USP34: variants seen among roughly 807,000 people sequenced by gnomAD.
USP34 encodes the protein ubiquitin specific peptidase 34.
USP34 carries 70 observed loss-of-function variants against 460.3 expected under a neutral mutation model. The observed-to-expected ratio is 0.15, with a 90% CI of 0.13 to 0.19. The LOEUF (loss-of-function observed/expected upper bound fraction) is 0.19, where lower values mean the gene tolerates loss of function less well. Ranked by LOEUF, USP34 falls within the 10% of genes least tolerant of loss-of-function variation. USP34 has a pLI of 1.00. For missense variants in USP34, 3,985 were observed against 4,236.2 expected, an observed-to-expected ratio of 0.94 and a Z score of 1.65; for synonymous variants, 1,647 against 1,405.3, an observed-to-expected ratio of 1.17 and a Z score of -3.85.
chr2:61,241,237 G>GTT (rs1187732589), intron 53 of USP34, among the ~76,000 whole-genome samples: 2 of 151,906 alleles, frequency 1.3e-5, no homozygotes, highest in Non-Finnish European at 2.9e-5. Flanking sequence ...GAGAAACAGA[G>GTT]TTTCACCATT....
intron 15 of USP34, among the ~76,000 whole-genome samples, chr2:61,347,575 T>C (rs1215283464): frequency 6.6e-6 from 1 of 152,188 alleles, no homozygotes; most frequent in Admixed American, 6.5e-5. Flanking sequence ...GGTTTCACCA[T>C]GTTGTTCAGG....
At chr2:61,243,720 A>G (rs1558487161) in intron 51 of USP34, among the ~76,000 whole-genome samples, 1 of 152,018 alleles carries the variant, frequency 6.6e-6, no homozygotes, top group Non-Finnish European at 1.5e-5. Flanking sequence ...AAAACACAAA[A>G]ATTAGCTGGG....
At chr2:61,227,638 G>C (rs540326147) in intron 61 of USP34, among the ~76,000 whole-genome samples, 41 of 152,044 alleles carry the variant, frequency 2.7e-4, no homozygotes, top group Non-Finnish European at 4.6e-4. Context: ...CTGAACCTGG[G>C]AGGTGGGGGT....
chr2:61,395,785 CAAAAAAAAAA>C (rs541139131), intron 3 of USP34, among the ~76,000 whole-genome samples: 2 of 29,330 alleles, frequency 6.8e-5, no homozygotes, highest in South Asian at 1.2e-3. Flanking sequence ...GACTCCGTCT[CAAAAAAAAAA>C]AAAAAAAAAA....
rs1252459209 is a variant in USP34, at chr2:61,380,304, A to G, written c.879T>C (p.Ala293=). 3 of 1,614,154 alleles carry G rather than the reference A, an allele frequency of 1.9e-6. No homozygotes were observed. Among genetic ancestry groups the G allele is most frequent in the East Asian group, 4.5e-5 (2 of 44,882 alleles). ...CTTTGACTGTGCTCCACATTAAGTC[A>G]GCCATGTTACGAGCTGCACTCTGTC... ...ELRQSAARNM[A]DLMWSTVKEP... Residue 293 remains alanine, a synonymous_variant, in exon 7 of 80, where the codon GCT becomes GCC. Transcript: ENST00000398571.
intron 75 of USP34, among the ~76,000 whole-genome samples, chr2:61,202,347 A>G (rs7607173): frequency 6.6e-6 from 1 of 152,138 alleles, no homozygotes; most frequent in African/African-American, 2.4e-5. Context: ...TCCCACTCTG[A>G]AAACTATAGA....
At chr2:61,392,852 G>C (rs944751530) in intron 5 of USP34, among the ~76,000 whole-genome samples, 2 of 152,126 alleles carry the variant, frequency 1.3e-5, no homozygotes, top group Admixed American at 6.6e-5. Flanking sequence ...ACCACAGTGT[G>C]AAATAAAAAT....
At position 61,339,481 on chromosome 2, in the gene USP34, A is replaced by G. The variant is rs1317197081; in HGVS notation, c.2617-3T>C. ...ATTAATCCTTCAGAAAGATTAACCT[A>G]TAAAAAATGTATATAAAATTACTAT... On this transcript the variant is annotated splice_polypyrimidine_tract_variant and splice_region_variant and intron_variant, in intron 17 of 79. Transcript: ENST00000398571. The G allele has an allele frequency of 7.0e-6, 11 of 1,568,604 alleles. No homozygotes were observed. Among genetic ancestry groups the G allele is most frequent in the Non-Finnish European group, 7.8e-6 (9 of 1,159,788 alleles).
At chr2:61,430,195 A>T (rs1694627130) in intron 1 of USP34, among the ~76,000 whole-genome samples, 1 of 149,500 alleles carries the variant, frequency 6.7e-6, no homozygotes, top group South Asian at 2.1e-4. Context: ...CGCCTGGGCG[A>T]CAGAGCGAGT....
Position 61,188,088 on chromosome 2 carries a change from T to G in USP34, c.*14A>C, listed in dbSNP as rs1558454244. 6.2e-7 allele frequency: 1 copy of G among 1,605,774 alleles called. No homozygotes were observed. The highest frequency in any genetic ancestry group is 8.5e-7 in the Non-Finnish European group (1 of 1,175,686). Reference sequence around the variant, plus strand: ...GGGGTGAGGGACTTAAAAGTAGACATGCTACACCTAATGTCAAGAAGCAGC... The same window carrying G: ...GGGGTGAGGGACTTAAAAGTAGACAGGCTACACCTAATGTCAAGAAGCAGC... On this transcript the variant is annotated 3_prime_UTR_variant, in exon 80 of 80. Coordinates refer to ENST00000398571, the MANE Select transcript of USP34 (RefSeq NM_014709.4).
chr2:61,261,628 T>C (rs1276700467), intron 43 of USP34, among the ~76,000 whole-genome samples: 2 of 152,214 alleles, frequency 1.3e-5, no homozygotes, highest in Middle Eastern at 3.2e-3. Context: ...TGTATATATG[T>C]ATAAATGGTT....
intron 2 of USP34, among the ~76,000 whole-genome samples, chr2:61,416,680 T>G (rs572671179): frequency 6.6e-6 from 1 of 152,354 alleles, no homozygotes; most frequent in African/African-American, 2.4e-5. Flanking sequence ...AATTTAGTCT[T>G]GAATTTATTC....
intron 15 of USP34, among the ~76,000 whole-genome samples, chr2:61,345,513 T>C (rs981882347): frequency 4.6e-5 from 7 of 152,214 alleles, no homozygotes; most frequent in East Asian, 1.9e-4. Flanking sequence ...TAAACTCACA[T>C]AGTATCACTC....
chr2:61,409,302 T>C (rs1693971590), intron 2 of USP34, among the ~76,000 whole-genome samples: 1 of 151,894 alleles, frequency 6.6e-6, no homozygotes, highest in African/African-American at 2.4e-5. Context: ...ATCCCAGCAC[T>C]TTGGGAGGCT....
chr2:61,394,533 C>CAAAAAAAAAAAA (rs200686763), intron 5 of USP34, among the ~76,000 whole-genome samples: 3 of 110,060 alleles, frequency 2.7e-5, no homozygotes, highest in African/African-American at 3.6e-5. Context: ...CCCTCTCTCT[C>CAAAAAAAAAAAA]AAAAAAAAAA....
intron 58 of USP34, among the ~76,000 whole-genome samples, chr2:61,231,440 C>CAGTG (rs1156656278): frequency 6.6e-6 from 1 of 152,100 alleles, no homozygotes; most frequent in Non-Finnish European, 1.5e-5. Context: ...AGGCCAGGCT[C>CAGTG]AGTGGCTCAC....
At chr2:61,235,804 G>C (rs763451327) in intron 57 of USP34, 41 bp downstream of exon 57, 1 of 1,568,796 alleles carries the variant, frequency 6.4e-7, no homozygotes, top group Non-Finnish European at 8.6e-7. Context: ...AAAAAAAAAA[G>C]AATCTTAAAC....
intron 27 of USP34, among the ~76,000 whole-genome samples, chr2:61,310,919 T>A (rs17008218): frequency 0.061 from 9,297 of 152,180 alleles, 539 homozygotes; most frequent in South Asian, 0.26. Context: ...TATGGTCACA[T>A]CAAAAGTCTA....
intron 62 of USP34, among the ~76,000 whole-genome samples, chr2:61,226,016 T>TATTC (rs546204032): frequency 1.6e-3 from 240 of 152,314 alleles, no homozygotes; most frequent in Non-Finnish European, 2.7e-3. Context: ...CTGTAATGGC[T>TATTC]ATTCACAGGT....
Sources: allele counts gnomAD v4.1 joint callset (sites outside exome capture counted in the v4.1 genomes callset), GRCh38; gene constraint gnomAD v4.1.1; transcripts MANE v1.5; gene names NCBI Gene and HGNC (gene_info 2026-07-23, HGNC 2026-07-21).